Variants in GAL3ST3 observed in about 807,000 individuals in gnomAD.
GAL3ST3 encodes galactose-3-O-sulfotransferase 3.
In GAL3ST3, 21 loss-of-function variants were observed where a neutral mutation model predicts 20.8. The ratio of observed to expected loss-of-function variants is 1.01; its 90% confidence interval spans 0.72 to 1.45. GAL3ST3 has a LOEUF of 1.45. Among genes scored for constraint, GAL3ST3 ranks in the 40% most tolerant of loss-of-function variants. The pLI, the probability that GAL3ST3 is intolerant of heterozygous loss-of-function variation, is 0.00. For synonymous variants in GAL3ST3, 355 were observed against 307.2 expected, an observed-to-expected ratio of 1.16 and a Z score of -1.63; for missense variants, 739 against 662.7, an observed-to-expected ratio of 1.12 and a Z score of -1.26.
intron 1 of GAL3ST3, among the ~76,000 whole-genome samples, chr11:66,048,696 C>G (rs561762835): frequency 2.0e-5 from 3 of 150,146 alleles, no homozygotes; most frequent in East Asian, 2.0e-4. Flanking sequence ...CATCCACCCC[C>G]GCATCATCCC....
chr11:66,048,815 T>C (rs1220019187), intron 1 of GAL3ST3, among the ~76,000 whole-genome samples, 196 bp downstream of exon 1: 2 of 151,918 alleles, frequency 1.3e-5, no homozygotes, highest in African/African-American at 4.8e-5. Context: ...GCCAGTGGGA[T>C]CTGATCACCA....
rs1565079122 is a variant in GAL3ST3, at chr11:66,041,079, TTGAA to T, written c.*1424_*1427del. ...GCTTGTGGCATGTGACCTTTTTTATTTGAATGGCACTACAGACAGCACTTGTGAG... is the reference window on the plus strand; with the variant it reads ...GCTTGTGGCATGTGACCTTTTTTATTTGGCACTACAGACAGCACTTGTGAG... On this transcript the variant is annotated 3_prime_UTR_variant, in exon 3 of 3. Coordinates refer to ENST00000312006, the MANE Select transcript of GAL3ST3 (RefSeq NM_033036.3). 1.3e-5 allele frequency among the ~76,000 whole-genome samples: 2 copies of T among 152,174 alleles called. No individual in the cohort carries two copies. Among genetic ancestry groups the T allele is most frequent in the African/African-American group, 4.8e-5 (2 of 41,442 alleles).
At chr11:66,048,357 C>G (rs1163494915) in intron 1 of GAL3ST3, among the ~76,000 whole-genome samples, 1 of 152,138 alleles carries the variant, frequency 6.6e-6, no homozygotes, top group Non-Finnish European at 1.5e-5. Context: ...GGGGTGCCCA[C>G]CCTCCTAAAG....
Position 66,042,417 on chromosome 11 carries a change from G to T in GAL3ST3, c.*90C>A. 2 of 1,014,510 alleles carry T rather than the reference G, an allele frequency of 2.0e-6. No homozygotes were observed. The highest frequency in any genetic ancestry group is 2.7e-6 in the Non-Finnish European group (2 of 733,928). The allele number at this position is 1,014,510 out of a possible 1,614,324, so 62.8% of individuals were successfully genotyped here. A position where few individuals can be genotyped will look rare whatever the true frequency, so the allele number is the denominator to read the frequency against. The stretch of plus-strand genomic sequence containing the variant: ...GGACTCAAGCCCCTTGAAAAGAAAG[G>T]GCTCTCATGGGGGCAGGACATGGAG... On this transcript the variant is annotated 3_prime_UTR_variant, in exon 3 of 3. Coordinates refer to ENST00000312006, the MANE Select transcript of GAL3ST3 (RefSeq NM_033036.3).
In GAL3ST3 at chr11:66,043,389, C is replaced by A. The variant is rs1215605171; in HGVS notation, c.414G>T (p.Glu138Asp). The A allele has an allele frequency of 1.2e-6, 2 of 1,610,152 alleles. No homozygotes were observed. Among genetic ancestry groups the A allele is most frequent in the African/African-American group, 2.7e-5 (2 of 74,966 alleles). ...SHLRFDRAEL[E>D]RLMPPSTVYV... The stretch of plus-strand genomic sequence containing the variant: ...AGACGGTGCTGGGCGGCATGAGGCG[C>A]TCCAGCTCCGCACGGTCGAAGCGCA... The change falls in exon 3 of 3, where the codon GAG becomes GAT. Residue 138 changes from glutamate (E) to aspartate (D), a missense_variant. Glu to Asp is a conservative substitution (Grantham distance 45). Coordinates refer to ENST00000312006, the MANE Select transcript of GAL3ST3 (RefSeq NM_033036.3).
intron 1 of GAL3ST3, among the ~76,000 whole-genome samples, chr11:66,046,193 T>G (rs1333487243): frequency 6.6e-6 from 1 of 152,190 alleles, no homozygotes; most frequent in Non-Finnish European, 1.5e-5. Context: ...GAAATGAGAT[T>G]CATACCTGCT....
Position 66,042,474 on chromosome 11 carries a change from G to A in GAL3ST3, c.*33C>T. ...CCTGGCTGGACTCCTGGGAGGGCAGGGCAGGACCCATACTCCTGGAGGCCT... is the reference window on the plus strand; with the variant it reads ...CCTGGCTGGACTCCTGGGAGGGCAGAGCAGGACCCATACTCCTGGAGGCCT... On this transcript the variant is annotated 3_prime_UTR_variant, in exon 3 of 3. Transcript: ENST00000312006. 1 of 1,423,264 alleles carries A rather than the reference G, an allele frequency of 7.0e-7. No individual in the cohort carries two copies. The highest frequency in any genetic ancestry group is 9.2e-7 in the Non-Finnish European group (1 of 1,090,812). 88.2% of individuals were successfully genotyped at this position (1,423,264 alleles called of 1,614,324 possible). A position where few individuals can be genotyped will look rare whatever the true frequency, so the allele number is the denominator to read the frequency against.
chr11:66,043,573 G>A lies in GAL3ST3; in HGVS notation c.230C>T (p.Thr77Met), dbSNP rs148093690. Residue 77 changes from threonine (T) to methionine (M), a missense_variant, in exon 3 of 3, where the codon ACG becomes ATG. Thr to Met is a moderately conservative substitution (Grantham distance 81). Transcript: ENST00000312006. ...AFLKTHKTAG[T>M]TVQNILFRFA... is the part of the protein sequence containing the mutation. ...GCGAAACAGGATGTTCTGCACCGTC[G>A]TGCCTGCCGTCTTGTGAGTCTTCAG... 18 of 1,612,350 alleles carry A rather than the reference G, an allele frequency of 1.1e-5. No individual in the cohort carries two copies. The highest frequency in any genetic ancestry group is 6.7e-5 in the East Asian group (3 of 44,888).
intron 1 of GAL3ST3, among the ~76,000 whole-genome samples, chr11:66,046,280 C>T (rs943733952): frequency 6.6e-6 from 1 of 152,178 alleles, no homozygotes; most frequent in Non-Finnish European, 1.5e-5. Flanking sequence ...CCAACCTTGC[C>T]CTAGACTCTG....
At position 66,042,643 on chromosome 11, in the gene GAL3ST3, G is replaced by A; in HGVS notation, c.1160C>T (p.Pro387Leu). The part of the protein sequence containing the change: ...ATEACLKLAM[P>L]EVQYSNYLLR... Reference sequence around the variant, plus strand: ...CAGGTAGTTCGAGTACTGGACCTCGGGCATGGCCAGCTTGAGGCAGGCCTC... The same window carrying A: ...CAGGTAGTTCGAGTACTGGACCTCGAGCATGGCCAGCTTGAGGCAGGCCTC... Residue 387 changes from proline to leucine, a missense_variant, in exon 3 of 3, where the codon CCC becomes CTC. Physicochemically the swap from Pro to Leu is moderately conservative, Grantham distance 98. Transcript: ENST00000312006. 1.3e-6 allele frequency: 2 copies of A among 1,535,738 alleles called. No individual in the cohort carries two copies. Among genetic ancestry groups the A allele is most frequent in the Non-Finnish European group, 1.7e-6 (2 of 1,146,620 alleles).
chr11:66,045,286 C>T lies in GAL3ST3; in HGVS notation c.125+5G>A. 1 of 1,553,294 alleles carries T rather than the reference C, an allele frequency of 6.4e-7. No homozygotes were observed. The highest frequency in any genetic ancestry group is 8.7e-7 in the Non-Finnish European group (1 of 1,149,530). ...TCCGGCCCCCCTGGGGCCCCGCCCC[C>T]TTACCAGCTGAGCTGCGCCCCCTGG... On this transcript the variant is annotated splice_donor_5th_base_variant and intron_variant, in intron 2 of 2. Transcript: ENST00000312006.
rs1006568268 is a variant in GAL3ST3, at chr11:66,040,828, A to G, written c.*1679T>C. ...TTAATTATGCTTTTGCATGATTCTA[A>G]TTATTGCCTTTTTCAGAGCTCTGCT... On this transcript the variant is annotated 3_prime_UTR_variant, in exon 3 of 3. Transcript: ENST00000312006. Among the ~76,000 whole-genome samples the G allele has an allele frequency of 6.6e-6, 1 of 152,148 alleles. No homozygotes were observed. The highest frequency in any genetic ancestry group is 6.6e-5 in the Admixed American group (1 of 15,266).
chr11:66,042,949 C>A lies in GAL3ST3; in HGVS notation c.854G>T (p.Arg285Leu), dbSNP rs1322652990. 3 of 1,314,588 alleles carry A rather than the reference C, an allele frequency of 2.3e-6. No individual in the cohort carries two copies. The highest frequency in any genetic ancestry group is 1.6e-5 in the African/African-American group (1 of 61,342). The allele number at this position is 1,314,588 out of a possible 1,614,324, so 81.4% of individuals were successfully genotyped here. The part of the protein sequence containing the change: ...RLAAIPAALA[R>L]AARTWNALDA... ...CAGGGCGTTCCAGGTGCGCGCCGCC[C>A]GCGCCAGCGCCGCGGGGATGGCGGC... Residue 285 changes from arginine to leucine, a missense_variant, in exon 3 of 3, where the codon CGG becomes CTG. Transcript: ENST00000312006.
chr11:66,046,192 T>C (rs113972672), intron 1 of GAL3ST3, among the ~76,000 whole-genome samples: 91 of 152,290 alleles, frequency 6.0e-4, no homozygotes, highest in African/African-American at 2.1e-3. Context: ...AGAAATGAGA[T>C]TCATACCTGC....
chr11:66,043,761 GC>G, intron 2 of GAL3ST3, 84 bp from the exon 3 acceptor site: 2 of 1,256,294 alleles, frequency 1.6e-6, no homozygotes, highest in Non-Finnish European at 1.1e-6. Context: ...ACTGTGGGAT[GC>G]CCCACAGCGC....
intron 2 of GAL3ST3, among the ~76,000 whole-genome samples, chr11:66,044,089 G>A (rs1349639795): frequency 6.6e-6 from 1 of 152,176 alleles, no homozygotes; most frequent in African/African-American, 2.4e-5. Flanking sequence ...CCACTAAGTG[G>A]GAAAAGCCCA....
chr11:66,045,287 T>G lies in GAL3ST3; in HGVS notation c.125+4A>C. Reference sequence around the variant, plus strand: ...CCGGCCCCCCTGGGGCCCCGCCCCCTTACCAGCTGAGCTGCGCCCCCTGGT... The same window carrying G: ...CCGGCCCCCCTGGGGCCCCGCCCCCGTACCAGCTGAGCTGCGCCCCCTGGT... On this transcript the variant is annotated splice_donor_region_variant and intron_variant, in intron 2 of 2. Transcript: ENST00000312006. 6.4e-7 allele frequency: 1 copy of G among 1,557,322 alleles called. No homozygotes were observed. The highest frequency in any genetic ancestry group is 8.7e-7 in the Non-Finnish European group (1 of 1,151,558).
chr11:66,043,170 G>C lies in GAL3ST3; in HGVS notation c.633C>G (p.Gly211=), dbSNP rs747561333. 1.2e-6 allele frequency: 2 copies of C among 1,611,916 alleles called. No homozygotes were observed. The highest frequency in any genetic ancestry group is 1.7e-6 in the Non-Finnish European group (2 of 1,179,372). ...CGTCGCGCGGGCTGCGCTCATTGTCGCCGCCCAGGTCGTAGGCCAGCGTGT... is the reference window on the plus strand; with the variant it reads ...CGTCGCGCGGGCTGCGCTCATTGTCCCCGCCCAGGTCGTAGGCCAGCGTGT... ...AHNTLAYDLG[G]DNERSPRDDA... The change falls in exon 3 of 3, where the codon GGC becomes GGG. Residue 211 remains glycine (G), a synonymous_variant. Transcript: ENST00000312006.
In GAL3ST3 at chr11:66,042,279, G is replaced by T; in HGVS notation, c.*228C>A. ...AAAATCACCAACCAGCTGGGAAGGAGAGGGTGGCCCAGCGCTGGATCCAGC... is the reference window on the plus strand; with the variant it reads ...AAAATCACCAACCAGCTGGGAAGGATAGGGTGGCCCAGCGCTGGATCCAGC... On this transcript the variant is annotated 3_prime_UTR_variant, in exon 3 of 3. Coordinates refer to ENST00000312006, the MANE Select transcript of GAL3ST3 (RefSeq NM_033036.3). 4.1e-6 allele frequency: 2 copies of T among 487,298 alleles called. No individual in the cohort carries two copies. The highest frequency in any genetic ancestry group is 7.1e-6 in the Non-Finnish European group (2 of 280,074). The allele number at this position is 487,298 out of a possible 1,614,324, so 30.2% of individuals were successfully genotyped here.
Sources: gnomAD v4.1 joint callset for allele counts (sites outside exome capture counted in the v4.1 genomes callset) on GRCh38, gnomAD v4.1.1 for gene constraint, MANE v1.5 for transcripts, NCBI Gene and HGNC (gene_info 2026-07-23, HGNC 2026-07-21) for gene names.